KLHL18: variants seen among roughly 807,000 people sequenced by gnomAD.
KLHL18 encodes kelch-like protein 18.
In KLHL18, 38 loss-of-function variants were observed where a neutral mutation model predicts 58.5. The observed-to-expected ratio is 0.65, with a 90% CI of 0.50 to 0.85. KLHL18 has a LOEUF of 0.85. Ranked by LOEUF, KLHL18 falls within the 40% of genes least tolerant of loss-of-function variation. The pLI, the probability that KLHL18 is intolerant of heterozygous loss-of-function variation, is 0.00. For missense variants in KLHL18, 624 were observed against 778.4 expected, an observed-to-expected ratio of 0.80 and a Z score of 2.36; for synonymous variants, 303 against 301.9, an observed-to-expected ratio of 1.00 and a Z score of -0.04.
intron 1 of KLHL18, among the ~76,000 whole-genome samples, chr3:47,312,534 G>C (rs1207403181): frequency 1.3e-5 from 2 of 152,172 alleles, no homozygotes; most frequent in African/African-American, 4.8e-5. Context: ...CACCTTAGGA[G>C]TGGGGAAGAG....
At chr3:47,332,748 G>A (rs1038518078) in intron 4 of KLHL18, among the ~76,000 whole-genome samples, 2 of 151,914 alleles carry the variant, frequency 1.3e-5, no homozygotes, top group African/African-American at 2.4e-5. Flanking sequence ...AGGGGAGTGG[G>A]TTTAGATGAA....
chr3:47,333,042 TTGA>T (rs1703900309), intron 4 of KLHL18, 112 bp from the exon 5 acceptor site: 1 of 1,037,074 alleles, frequency 9.6e-7, no homozygotes, highest in East Asian at 2.5e-5. Context: ...GGAGAAAAGA[TTGA>T]TGGGCCCAAG....
chr3:47,309,606 G>A (rs1703243467), intron 1 of KLHL18, among the ~76,000 whole-genome samples: 2 of 152,234 alleles, frequency 1.3e-5, no homozygotes, highest in South Asian at 2.1e-4. Flanking sequence ...TTGGCGGCCG[G>A]GCAGAGGCTG....
At chr3:47,335,200 C>T (rs1703956734) in intron 6 of KLHL18, among the ~76,000 whole-genome samples, 1 of 152,220 alleles carries the variant, frequency 6.6e-6, no homozygotes, top group Non-Finnish European at 1.5e-5. Context: ...TAGCATCCTT[C>T]AGCCCCGGAT....
intron 1 of KLHL18, among the ~76,000 whole-genome samples, chr3:47,312,905 ATTT>A (rs35710141): frequency 3.4e-5 from 4 of 117,870 alleles, no homozygotes; most frequent in Admixed American, 9.2e-5. Flanking sequence ...ATACCTTTTA[ATTT>A]TTTTTTTTTT....
intron 1 of KLHL18, chr3:47,297,683 T>A (rs573630827): frequency 2.2e-6 from 1 of 448,996 alleles, no homozygotes; most frequent in African/African-American, 2.0e-5. Flanking sequence ...GTAAAATTCA[T>A]CAGAAATTTT....
intron 5 of KLHL18, 37 bp downstream of exon 5, chr3:47,333,354 G>C (rs368574137): frequency 1.5e-5 from 24 of 1,593,326 alleles, no homozygotes; most frequent in Non-Finnish European, 2.0e-5. Context: ...CACTGCCAAA[G>C]GTCTAAGCAG....
intron 4 of KLHL18, 35 bp downstream of exon 4, chr3:47,330,184 A>G (rs1703823672): frequency 6.4e-7 from 1 of 1,568,212 alleles, no homozygotes. Context: ...TGCAGGTGAC[A>G]TGAGATGCTG....
chr3:47,327,349 T>C (rs1042043602), intron 3 of KLHL18, among the ~76,000 whole-genome samples: 1 of 152,240 alleles, frequency 6.6e-6, no homozygotes, highest in African/African-American at 2.4e-5. Context: ...GAAGGAGAGT[T>C]TGGAAATGAA....
In KLHL18 at chr3:47,346,528, T is replaced by A. The variant is rs1704229149; in HGVS notation, c.*2587T>A. ...ATGTAACAAGGAGATAGGGTAGACA[T>A]TGTACTCAGTGGGCCTTGGGGCCTA... is the stretch of plus-strand genomic sequence containing the variant. On this transcript the variant is annotated 3_prime_UTR_variant, in exon 10 of 10. Coordinates refer to ENST00000232766, the MANE Select transcript of KLHL18 (RefSeq NM_025010.5). The A allele has an allele frequency of 6.6e-6, 1 of 152,564 alleles. No homozygotes were observed. The highest frequency in any genetic ancestry group is 2.1e-4 in the South Asian group (1 of 4,836). The allele number at this position is 152,564 out of a possible 1,614,324, so 9.5% of individuals were successfully genotyped here. A position where few individuals can be genotyped will look rare whatever the true frequency, so the allele number is the denominator to read the frequency against.
chr3:47,334,970 G>C lies in KLHL18; in HGVS notation c.898+151G>C. ...TTTATACAATTGCTCTACAGTTAGA[G>C]CATGTCACATATTCATGCCATTGAA... On this transcript the variant is annotated intron_variant, in intron 6 of 9. Coordinates refer to ENST00000232766, the MANE Select transcript of KLHL18 (RefSeq NM_025010.5). This position sits in a 1 kb window ranked among gnomAD's most constrained non-coding sequence, Gnocchi z 4.7. 1.3e-6 allele frequency: 1 copy of C among 777,346 alleles called. No homozygotes were observed. Among genetic ancestry groups the C allele is most frequent in the East Asian group, 2.7e-5 (1 of 36,620 alleles). 48.2% of individuals were successfully genotyped at this position (777,346 alleles called of 1,614,324 possible).
rs562047001 is a variant in KLHL18, at chr3:47,329,641, A to G, written c.402-310A>G. On this transcript the variant is annotated intron_variant, in intron 3 of 9. Coordinates refer to ENST00000232766, the MANE Select transcript of KLHL18 (RefSeq NM_025010.5). Reference sequence around the variant, plus strand: ...ATTTCAGTGGTGGAACGTCTCAAACAGATTTTCAGTGCCTGCACTCCTGTG... The same window carrying G: ...ATTTCAGTGGTGGAACGTCTCAAACGGATTTTCAGTGCCTGCACTCCTGTG... Among the ~76,000 whole-genome samples the G allele has an allele frequency of 1.9e-3, 287 of 152,332 alleles. 1 individual carries two copies. Among genetic ancestry groups the G allele is most frequent in the African/African-American group, 6.4e-3 (264 of 41,558 alleles).
At chr3:47,289,752 T>C (rs1441992506) in intron 1 of KLHL18, among the ~76,000 whole-genome samples, 1 of 152,144 alleles carries the variant, frequency 6.6e-6, no homozygotes, top group Admixed American at 6.5e-5. Flanking sequence ...ACGACTGCAC[T>C]GCAGCCTGGC....
At chr3:47,311,122 G>A (rs1430658497) in intron 1 of KLHL18, among the ~76,000 whole-genome samples, 1 of 151,760 alleles carries the variant, frequency 6.6e-6, no homozygotes, top group Non-Finnish European at 1.5e-5. Flanking sequence ...CCATTCTCCT[G>A]CCTCAGCCTC....
intron 1 of KLHL18, among the ~76,000 whole-genome samples, chr3:47,304,207 T>C (rs1703087637): frequency 6.6e-6 from 1 of 152,212 alleles, no homozygotes; most frequent in African/African-American, 2.4e-5. Flanking sequence ...ATATAAATTT[T>C]AGAATAATAT....
chr3:47,342,186 C>A (rs1287772236), intron 8 of KLHL18, among the ~76,000 whole-genome samples: 24 of 152,170 alleles, frequency 1.6e-4, no homozygotes, highest in Non-Finnish European at 1.5e-5. Context: ...ACAGGAGGAG[C>A]AATCCCTCTG....
intron 1 of KLHL18, among the ~76,000 whole-genome samples, chr3:47,310,685 A>G (rs1395118598): frequency 2.0e-5 from 3 of 152,112 alleles, no homozygotes; most frequent in Non-Finnish European, 4.4e-5. Flanking sequence ...GTCGTTTCTG[A>G]TCTAAGTATA....
At chr3:47,336,872 C>T (rs1221128930) in intron 7 of KLHL18, 115 bp downstream of exon 7, 1 of 839,588 alleles carries the variant, frequency 1.2e-6, no homozygotes, top group Admixed American at 2.3e-5. Context: ...CTGGGAGTTT[C>T]CTGCAGCCAG....
intron 7 of KLHL18, 33 bp downstream of exon 7, chr3:47,336,790 C>A (rs772166755): frequency 1.3e-6 from 2 of 1,527,784 alleles, no homozygotes; most frequent in Non-Finnish European, 1.8e-6. Flanking sequence ...CCCGAACATA[C>A]ACACTGAGCA....
Sources: gnomAD v4.1 joint callset for allele counts (sites outside exome capture counted in the v4.1 genomes callset) on GRCh38, gnomAD v4.1.1 for gene constraint, Gnocchi (gnomAD v3.1) non-coding constraint, MANE v1.5 for transcripts, NCBI Gene and HGNC (gene_info 2026-07-23, HGNC 2026-07-21) for gene names.